Variants in JMJD1C observed in about 807,000 individuals in gnomAD.
JMJD1C encodes jumonji domain containing 1C, also known as jumonji domain-containing protein 1C.
A neutral mutation model predicts 245.3 loss-of-function variants in JMJD1C; 31 were observed. The observed-to-expected ratio is 0.13, with a 90% CI of 0.09 to 0.17. JMJD1C has a LOEUF of 0.17. Among genes scored for constraint, JMJD1C ranks in the 10% least tolerant of loss-of-function variants. The pLI, the probability that JMJD1C is intolerant of heterozygous loss-of-function variation, is 1.00. For synonymous variants in JMJD1C, 1,057 were observed against 1,017.4 expected (o/e 1.04, Z -0.74); for missense variants, 2,691 against 3,000.2 (o/e 0.90, Z 2.41).
chr10:63,233,090 A>ACT, intron 3 of JMJD1C, among the ~76,000 whole-genome samples: 1 of 152,252 alleles, frequency 6.6e-6, no homozygotes, highest in South Asian at 2.1e-4. Context: ...TAGAAAAGTG[A>ACT]CTCTGACCTG....
At chr10:63,196,469 TAGATGTTC>T (rs2133045285) in intron 13 of JMJD1C, among the ~76,000 whole-genome samples, 2 of 152,328 alleles carry the variant, frequency 1.3e-5, no homozygotes, top group East Asian at 3.9e-4. Flanking sequence ...CACTTAGCTG[TAGATGTTC>T]AGCTATGCTT....
chr10:63,501,547 G>C (rs1954561298), intron 1 of JMJD1C, among the ~76,000 whole-genome samples: 1 of 152,172 alleles, frequency 6.6e-6, no homozygotes, highest in African/African-American at 2.4e-5. Context: ...GGAGGCCGAG[G>C]AGGGTGATTC....
At chr10:63,288,207 A>C (rs1858208619) in intron 2 of JMJD1C, among the ~76,000 whole-genome samples, 1 of 152,150 alleles carries the variant, frequency 6.6e-6, no homozygotes, top group Non-Finnish European at 1.5e-5. Flanking sequence ...TGCAGTTCAA[A>C]CCTGTATTGT....
At chr10:63,324,039 C>CTTTT (rs71463513) in intron 2 of JMJD1C, among the ~76,000 whole-genome samples, 1 of 136,134 alleles carries the variant, frequency 7.3e-6, no homozygotes. Context: ...CTTCGTCTGC[C>CTTTT]TTTTTTTTTT....
chr10:63,280,727 A>G (rs571614370), intron 2 of JMJD1C, among the ~76,000 whole-genome samples: 1 of 152,316 alleles, frequency 6.6e-6, no homozygotes, highest in South Asian at 2.1e-4. Flanking sequence ...AATGTGATAA[A>G]CCAAACTCTT....
rs1846945556 is a variant in JMJD1C, at chr10:63,208,586, T to C, written c.3083A>G (p.Glu1028Gly). 6.2e-7 allele frequency: 1 copy of C among 1,614,094 alleles called. No individual in the cohort carries two copies. Among genetic ancestry groups the C allele is most frequent in the Admixed American group, 1.7e-5 (1 of 60,026 alleles). ...YKEEHRRILQ[E>G]SIDVAPFTTK... ...TGTAAAGGGAGCAACATCAATACTT[T>C]CTTGAAGAATTCGACGGTGTTCCTC... The change falls in exon 10 of 26, where the codon GAA (glutamate) becomes GGA (glycine). Residue 1028 changes from glutamate (E) to glycine (G), a missense_variant. Physicochemically the swap from Glu to Gly is moderately conservative, Grantham distance 98. This residue lies in a region of JMJD1C where 1,562 missense variants were observed against 1,490.7 expected (regional missense o/e 1.05). Transcript: ENST00000399262.
At chr10:63,252,730 A>G (rs1194577728) in intron 3 of JMJD1C, among the ~76,000 whole-genome samples, 1 of 152,252 alleles carries the variant, frequency 6.6e-6, no homozygotes, top group East Asian at 1.9e-4. Context: ...AGAAGTAAAG[A>G]AAAAGAAACA....
intron 1 of JMJD1C, among the ~76,000 whole-genome samples, chr10:63,505,466 G>C (rs1013078722): frequency 2.6e-5 from 4 of 152,076 alleles, no homozygotes; most frequent in Non-Finnish European, 5.9e-5. Context: ...TTTAGAGATG[G>C]ACAAGTATTT....
intron 1 of JMJD1C, among the ~76,000 whole-genome samples, chr10:63,394,662 T>C (rs1221925856): frequency 1.3e-5 from 2 of 151,892 alleles, no homozygotes; most frequent in Non-Finnish European, 2.9e-5. Flanking sequence ...CTAACCAACA[T>C]GGAGAAACCC....
intron 3 of JMJD1C, among the ~76,000 whole-genome samples, chr10:63,255,732 C>T (rs1853815387): frequency 6.6e-6 from 1 of 151,984 alleles, no homozygotes; most frequent in Non-Finnish European, 1.5e-5. Flanking sequence ...AAGCATTACA[C>T]AAAATAAGAG....
chr10:63,268,617 TA>T, intron 2 of JMJD1C: 1 of 786,878 alleles, frequency 1.3e-6, no homozygotes, highest in Non-Finnish European at 1.5e-6. Context: ...AAACCAAATG[TA>T]AATTAAGACA....
At chr10:63,194,478 G>T in intron 13 of JMJD1C, 103 bp from the exon 14 acceptor site, 1 of 720,182 alleles carries the variant, frequency 1.4e-6, no homozygotes, top group Non-Finnish European at 2.4e-6. Context: ...TAGTTGGCTA[G>T]AGTCACAGCC....
At chr10:63,273,442 A>C (rs1331047630) in intron 2 of JMJD1C, among the ~76,000 whole-genome samples, 1 of 152,212 alleles carries the variant, frequency 6.6e-6, no homozygotes, top group African/African-American at 2.4e-5. Flanking sequence ...ATAATGAAGT[A>C]ATGACATAGA....
At chr10:63,373,999 A>C (rs1389774064) in intron 2 of JMJD1C, among the ~76,000 whole-genome samples, 1 of 152,198 alleles carries the variant, frequency 6.6e-6, no homozygotes, top group African/African-American at 2.4e-5. Flanking sequence ...TCCTAAAACA[A>C]AAGAAAAAAG....
rs1241531353 is a variant in JMJD1C, at chr10:63,214,115, G to A, written c.2052C>T (p.Cys684=). The change falls in exon 8 of 26, where the codon TGC becomes TGT. Residue 684 remains cysteine, a synonymous_variant. Coordinates refer to ENST00000399262, the MANE Select transcript of JMJD1C (RefSeq NM_032776.3). The part of the protein sequence containing the change: ...ANKIEHELSR[C]SFHPIPTRSS... ...TTCGAGTAGGAATTGGATGAAAACT[G>A]CATCTTGATAGCTCATGTTCTATCT... is the stretch of plus-strand genomic sequence containing the variant. 12 of 1,614,190 alleles carry A rather than the reference G, an allele frequency of 7.4e-6. No individual in the cohort carries two copies. The highest frequency in any genetic ancestry group is 8.5e-6 in the Non-Finnish European group (10 of 1,180,024).
intron 1 of JMJD1C, among the ~76,000 whole-genome samples, chr10:63,463,515 G>A (rs764485198): frequency 6.6e-6 from 1 of 152,068 alleles, no homozygotes; most frequent in Non-Finnish European, 1.5e-5. Context: ...AAGTCGAACA[G>A]GAATATTACA....
At chr10:63,484,281 A>C (rs1047401118) in intron 1 of JMJD1C, among the ~76,000 whole-genome samples, 1 of 151,734 alleles carries the variant, frequency 6.6e-6, no homozygotes, top group Non-Finnish European at 1.5e-5. Context: ...TAAGATAGAT[A>C]GATAAGACAG....
chr10:63,505,060 C>T (rs976729637), intron 1 of JMJD1C, among the ~76,000 whole-genome samples: 2 of 152,118 alleles, frequency 1.3e-5, no homozygotes, highest in Non-Finnish European at 2.9e-5. Flanking sequence ...CGCCTATAAC[C>T]CCAGCACTTT....
At chr10:63,233,159 T>A (rs1375781077) in intron 3 of JMJD1C, among the ~76,000 whole-genome samples, 1 of 152,200 alleles carries the variant, frequency 6.6e-6, no homozygotes, top group East Asian at 1.9e-4. Flanking sequence ...TACAATTTAA[T>A]GGAATCTCAA....
Sources: allele counts gnomAD v4.1 joint callset (sites outside exome capture counted in the v4.1 genomes callset), GRCh38; gene constraint gnomAD v4.1.1; regional missense constraint gnomAD v4.1.1; transcripts MANE v1.5; gene names NCBI Gene and HGNC (gene_info 2026-07-23, HGNC 2026-07-21).